FGF1: variants seen among roughly 807,000 people sequenced by gnomAD.
The protein encoded by FGF1 is beta-endothelial cell growth factor.
In FGF1, 9 loss-of-function variants were observed where a neutral mutation model predicts 13.4. The ratio of observed to expected loss-of-function variants is 0.67; its 90% CI spans 0.40 to 1.17. The LOEUF (loss-of-function observed/expected upper bound fraction) is 1.17. FGF1 is among the 50% of genes most tolerant of loss of function. FGF1 has a pLI of 0.01. For synonymous variants in FGF1, 93 were observed against 79.0 expected (o/e 1.18, Z -0.94); for missense variants, 156 against 192.7 (o/e 0.81, Z 1.13).
intron 1 of FGF1, among the ~76,000 whole-genome samples, chr5:142,619,443 C>T (rs1761029790): frequency 6.6e-6 from 1 of 152,164 alleles, no homozygotes; most frequent in African/African-American, 2.4e-5. Context: ...CTGCCTGTGG[C>T]TATGAATGGC....
intron 1 of FGF1, among the ~76,000 whole-genome samples, chr5:142,663,381 A>T (rs1021385499): frequency 6.6e-6 from 1 of 152,248 alleles, no homozygotes; most frequent in Non-Finnish European, 1.5e-5. Context: ...AGAAAGTGCC[A>T]AGTCCTAGCC....
At chr5:142,629,219 G>A (rs1762935564) in intron 1 of FGF1, among the ~76,000 whole-genome samples, 1 of 152,162 alleles carries the variant, frequency 6.6e-6, no homozygotes. Context: ...GCAGTGGCAC[G>A]AATACAGCTC....
intron 1 of FGF1, among the ~76,000 whole-genome samples, chr5:142,637,902 G>T (rs1385226487): frequency 6.6e-6 from 1 of 152,038 alleles, no homozygotes; most frequent in Non-Finnish European, 1.5e-5. Flanking sequence ...GGACCAGCTG[G>T]CTCTCAAGTT....
At chr5:142,653,451 C>T (rs560744456) in intron 1 of FGF1, among the ~76,000 whole-genome samples, 2 of 152,260 alleles carry the variant, frequency 1.3e-5, no homozygotes, top group East Asian at 1.9e-4. Context: ...GCCCTGCTGA[C>T]CTCTCCAGCC....
At position 142,616,432 on chromosome 5, in the gene FGF1, G is replaced by A. The variant is rs1002323956; in HGVS notation, c.-34-2271C>T. Among the ~76,000 whole-genome samples the A allele has an allele frequency of 2.0e-4, 30 of 152,200 alleles. 1 individual carries two copies. Among genetic ancestry groups the A allele is most frequent in the Admixed American group, 6.5e-5 (1 of 15,288 alleles). ...CCTCCATCCCATATGGTGAAACTTCGATTAATTCTTTTCACATAATACAGC... is the reference window on the plus strand; with the variant it reads ...CCTCCATCCCATATGGTGAAACTTCAATTAATTCTTTTCACATAATACAGC... On this transcript the variant is annotated intron_variant, in intron 1 of 3. Coordinates refer to ENST00000337706, the MANE Select transcript of FGF1 (RefSeq NM_000800.5).
chr5:142,652,044 CT>C (rs1306431050), intron 1 of FGF1, among the ~76,000 whole-genome samples: 3 of 152,148 alleles, frequency 2.0e-5, no homozygotes, highest in African/African-American at 4.8e-5. Context: ...TTTCTGAACG[CT>C]GCAATGGAGG....
chr5:142,628,860 G>A (rs1762881558), intron 1 of FGF1, among the ~76,000 whole-genome samples: 1 of 152,180 alleles, frequency 6.6e-6, no homozygotes, highest in African/African-American at 2.4e-5. Flanking sequence ...TTGCTTCTCG[G>A]AGCTGCCATC....
intron 1 of FGF1, among the ~76,000 whole-genome samples, chr5:142,665,184 A>G (rs2152010440): frequency 6.6e-6 from 1 of 152,262 alleles, no homozygotes; most frequent in East Asian, 1.9e-4. Context: ...AAAAATAAAA[A>G]ACAAAACTCA....
chr5:142,645,970 G>A (rs1436416664), intron 1 of FGF1, among the ~76,000 whole-genome samples: 2 of 152,090 alleles, frequency 1.3e-5, no homozygotes, highest in Non-Finnish European at 2.9e-5. Context: ...GCGCAGTGGT[G>A]CGATCTTGGC....
chr5:142,620,014 T>C (rs537336926), intron 1 of FGF1, among the ~76,000 whole-genome samples: 2 of 152,208 alleles, frequency 1.3e-5, no homozygotes, highest in East Asian at 3.8e-4. Context: ...CTGTTTTTTT[T>C]TTAACTCCAT....
chr5:142,657,564 C>G (rs998313351), intron 1 of FGF1, among the ~76,000 whole-genome samples: 1 of 152,342 alleles, frequency 6.6e-6, no homozygotes, highest in East Asian at 1.9e-4. Context: ...GAATGTTGTT[C>G]TTTTTTGACT....
At chr5:142,633,581 C>T (rs1438348118) in intron 1 of FGF1, among the ~76,000 whole-genome samples, 2 of 152,194 alleles carry the variant, frequency 1.3e-5, no homozygotes, top group African/African-American at 4.8e-5. Context: ...TTTTTGTGCA[C>T]GTGCCCTACC....
intron 1 of FGF1, among the ~76,000 whole-genome samples, chr5:142,654,411 T>A (rs1015074595): frequency 5.3e-5 from 8 of 152,212 alleles, no homozygotes; most frequent in Non-Finnish European, 1.2e-4. Flanking sequence ...GAAGGCAAGT[T>A]CACTTATAAT....
intron 2 of FGF1, among the ~76,000 whole-genome samples, chr5:142,610,425 C>A (rs1758795779): frequency 1.3e-5 from 2 of 152,026 alleles, no homozygotes; most frequent in Non-Finnish European, 2.9e-5. Flanking sequence ...GAATTATAAC[C>A]CTGAGGACAG....
intron 1 of FGF1, among the ~76,000 whole-genome samples, chr5:142,622,885 T>A (rs1437924847): frequency 1.3e-5 from 2 of 152,262 alleles, no homozygotes; most frequent in African/African-American, 4.8e-5. Flanking sequence ...TTCTGTTCCA[T>A]GAGCTGAAAT....
intron 1 of FGF1, among the ~76,000 whole-genome samples, chr5:142,654,154 G>A (rs1767750291): frequency 6.6e-6 from 1 of 152,198 alleles, no homozygotes; most frequent in Non-Finnish European, 1.5e-5. Context: ...GGACTGACAT[G>A]ATCTGTTTAT....
chr5:142,678,130 G>A (rs879392819), intron 1 of FGF1, among the ~76,000 whole-genome samples: 3 of 152,044 alleles, frequency 2.0e-5, no homozygotes, highest in Non-Finnish European at 2.9e-5. Flanking sequence ...GTGTGATGTC[G>A]GATGGGTAAG....
At chr5:142,628,246 C>T (rs527967045) in intron 1 of FGF1, among the ~76,000 whole-genome samples, 6 of 152,304 alleles carry the variant, frequency 3.9e-5, no homozygotes, top group Non-Finnish European at 8.8e-5. Flanking sequence ...CGTGGTGGCT[C>T]ACACCTGTAA....
chr5:142,642,781 G>A (rs1049461716), intron 1 of FGF1, among the ~76,000 whole-genome samples: 9 of 152,222 alleles, frequency 5.9e-5, no homozygotes, highest in African/African-American at 2.2e-4. Flanking sequence ...GTTTGGCTGG[G>A]AGATGGGAAG....
Sources: gnomAD v4.1 joint callset for allele counts (sites outside exome capture counted in the v4.1 genomes callset) on GRCh38, gnomAD v4.1.1 for gene constraint, MANE v1.5 for transcripts, NCBI Gene and HGNC (gene_info 2026-07-23, HGNC 2026-07-21) for gene names.